TRPC3: variants seen among roughly 807,000 people sequenced by gnomAD.
TRPC3 encodes short transient receptor potential channel 3.
TRPC3 carries 54 observed loss-of-function variants against 90.9 expected under a neutral mutation model. That is an observed-to-expected ratio of 0.59 (90% CI 0.48 to 0.75). The LOEUF (loss-of-function observed/expected upper bound fraction) is 0.75, where lower values mean the gene tolerates loss of function less well. Among genes scored for constraint, TRPC3 ranks in the 30% least tolerant of loss-of-function variants. The pLI is 0.00. For missense variants in TRPC3, 918 were observed against 1,194.5 expected (o/e 0.77, Z 3.41); for synonymous variants, 424 against 450.9 (o/e 0.94, Z 0.75).
At chr4:121,942,331 G>A (rs1730347172) in intron 1 of TRPC3, among the ~76,000 whole-genome samples, 1 of 152,166 alleles carries the variant, frequency 6.6e-6, no homozygotes, top group Non-Finnish European at 1.5e-5. Flanking sequence ...GGAGGCAGAG[G>A]CAGATGACTC....
At chr4:121,904,234 T>G in intron 8 of TRPC3, 88 bp downstream of exon 8, 1 of 1,218,834 alleles carries the variant, frequency 8.2e-7, no homozygotes, top group Non-Finnish European at 1.1e-6. Flanking sequence ...TTACATGAGC[T>G]GGAGCTCAGC....
chr4:121,934,811 T>G (rs1042486237), intron 1 of TRPC3, among the ~76,000 whole-genome samples: 2 of 152,120 alleles, frequency 1.3e-5, no homozygotes, highest in Admixed American at 6.5e-5. Flanking sequence ...TTCTCCCAGA[T>G]AGGGACTAAG....
Position 121,951,628 on chromosome 4 carries a change from GC to G in TRPC3, c.52del (p.Ala18ArgfsTer63). The G allele has an allele frequency of 7.0e-7, 1 of 1,427,070 alleles. No homozygotes were observed. Among genetic ancestry groups the G allele is most frequent in the Non-Finnish European group, 9.2e-7 (1 of 1,082,190 alleles). The allele number at this position is 1,427,070 out of a possible 1,614,324, so 88.4% of individuals were successfully genotyped here. A position where few individuals can be genotyped will look rare whatever the true frequency, so the allele number is the denominator to read the frequency against. On this transcript the variant is annotated frameshift_variant, in exon 1 of 12. Transcript: ENST00000379645. LOFTEE classifies it high-confidence loss of function. This position sits in a 1 kb window ranked among gnomAD's most constrained non-coding sequence, Gnocchi z 4.4. ...GCCCTCGTCTTCCTCCTCCTCCGGCGCCGGGAAGGTCACCCTTGCTTGTTCT... is the reference window on the plus strand; with the variant it reads ...GCCCTCGTCTTCCTCCTCCTCCGGCGCGGGAAGGTCACCCTTGCTTGTTCT... ...CKEQARVTFPAPEEEEDEGED... is the reference protein window; with the variant it reads ...CKEQARVTFPXPEEEEDEGED...
At chr4:121,910,729 C>A (rs376878709) in intron 5 of TRPC3, among the ~76,000 whole-genome samples, 8 of 152,126 alleles carry the variant, frequency 5.3e-5, no homozygotes, top group African/African-American at 1.9e-4. Flanking sequence ...TCAAGTTATC[C>A]CATAAGACTT....
rs899837495 is a variant in TRPC3, at chr4:121,910,393, A to C, written c.1559-6T>G. The C allele has an allele frequency of 6.2e-7, 1 of 1,610,790 alleles. No homozygotes were observed. The highest frequency in any genetic ancestry group is 8.5e-7 in the Non-Finnish European group (1 of 1,177,462). On this transcript the variant is annotated splice_region_variant and splice_polypyrimidine_tract_variant and intron_variant, in intron 5 of 11. Transcript: ENST00000379645. ...ACATTCAGACCACATCATTCCTGTC[A>C]CAACAAATACAGAGGGTGCAGGTCA... is the stretch of plus-strand genomic sequence containing the variant.
chr4:121,933,095 C>CT, intron 1 of TRPC3, 53 bp from the exon 2 acceptor site: 1 of 1,510,580 alleles, frequency 6.6e-7, no homozygotes, highest in Non-Finnish European at 8.9e-7. Context: ...ACATTCCTTC[C>CT]TTTCACATGT....
rs571866879 is a variant in TRPC3 at position 121,932,473 on chromosome 4, G to A, written c.785C>T (p.Pro262Leu). The A allele has an allele frequency of 1.9e-6, 3 of 1,614,142 alleles. No homozygotes were observed. The highest frequency in any genetic ancestry group is 2.7e-5 in the African/African-American group (2 of 75,044). ...CCCGCACTTGCAGAAATAGTCGTGC[G>A]GCCGCTCGATCCTGGCACCCTTCAT... ...LLMKGARIERPHDYFCKCGDC... is the reference protein window; with the variant it reads ...LLMKGARIERLHDYFCKCGDC... Residue 262 changes from proline to leucine, a missense_variant, in exon 2 of 12, where the codon CCG becomes CTG. This residue lies in a region of TRPC3 where 609 missense variants were observed against 725.9 expected (regional missense o/e 0.84). Coordinates refer to ENST00000379645, the MANE Select transcript of TRPC3 (RefSeq NM_001130698.2). The surrounding 1 kb of genome is among the most constrained non-coding windows in gnomAD (Gnocchi z 7.7).
Position 121,932,904 on chromosome 4 carries a change from G to A in TRPC3, c.354C>T (p.Asp118=), listed in dbSNP as rs151159120. 2.3e-4 allele frequency: 368 copies of A among 1,614,104 alleles called. 1 individual carries two copies. The African/African-American group carries it at 4.0e-3, about 17-fold the overall frequency. Residue 118 remains aspartate (D), a synonymous_variant, in exon 2 of 12, where the codon GAC becomes GAT. Coordinates refer to ENST00000379645, the MANE Select transcript of TRPC3 (RefSeq NM_001130698.2). The surrounding 1 kb of genome is among the most constrained non-coding windows in gnomAD (Gnocchi z 7.7). ...SLTAEEERFL[D]AAEYGNIPVV... ...CTGGGATGTTGCCGTACTCGGCGGCGTCGAGGAAGCGCTCCTCCTCGGCGG... is the reference window on the plus strand; with the variant it reads ...CTGGGATGTTGCCGTACTCGGCGGCATCGAGGAAGCGCTCCTCCTCGGCGG...
intron 3 of TRPC3, among the ~76,000 whole-genome samples, chr4:121,922,095 ATGTTTTT>A (rs1729542750): frequency 6.6e-6 from 1 of 150,884 alleles, no homozygotes; most frequent in South Asian, 2.1e-4. Flanking sequence ...ATTTTTTTGT[ATGTTTTT>A]TAGTAGAGAC....
At chr4:121,899,810 T>A in intron 9 of TRPC3, 115 bp from the exon 10 acceptor site, 1 of 787,830 alleles carries the variant, frequency 1.3e-6, no homozygotes, top group Non-Finnish European at 2.0e-6. Context: ...CAAGAAACAT[T>A]TTGTGGAAGT....
In TRPC3 at chr4:121,932,795, C is replaced by G; in HGVS notation, c.463G>C (p.Val155Leu). 2 of 1,610,588 alleles carry G rather than the reference C, an allele frequency of 1.2e-6. No individual in the cohort carries two copies. Among genetic ancestry groups the G allele is most frequent in the Non-Finnish European group, 1.7e-6 (2 of 1,177,596 alleles). ...GTCACCTCCAGGTGCTCGTTGCCCA[C>G]AGCCAGCTGCAGCGCGTTCTGGCCC... ...YMGQNALQLA[V>L]GNEHLEVTEL... Residue 155 changes from valine (V) to leucine (L), a missense_variant, in exon 2 of 12, where the codon GTG becomes CTG. Physicochemically the swap from Val to Leu is conservative, Grantham distance 32. Coordinates refer to ENST00000379645, the MANE Select transcript of TRPC3 (RefSeq NM_001130698.2). The surrounding 1 kb of genome is among the most constrained non-coding windows in gnomAD (Gnocchi z 7.7).
In TRPC3 at chr4:121,891,102, G is replaced by A. The variant is rs545431751; in HGVS notation, c.2547+8510C>T. Among the ~76,000 whole-genome samples, 3 of 152,176 alleles carry A rather than the reference G, an allele frequency of 2.0e-5. No homozygotes were observed. In the South Asian group the frequency reaches 6.2e-4, roughly 32 times the overall value. On this transcript the variant is annotated intron_variant, in intron 10 of 11. Transcript: ENST00000379645. ...GGATTTAAAAGATAAAGATATTTGG[G>A]GCATTCAAACTAAAACCTCCGGTCA...
At chr4:121,907,653 C>T (rs550786362) in intron 6 of TRPC3, 86 bp from the exon 7 acceptor site, 2 of 1,421,544 alleles carry the variant, frequency 1.4e-6, no homozygotes, top group East Asian at 4.6e-5. Flanking sequence ...TAGGATCTAT[C>T]TTGTAGGTAG....
At chr4:121,891,718 C>T (rs1299734850) in intron 10 of TRPC3, among the ~76,000 whole-genome samples, 2 of 152,210 alleles carry the variant, frequency 1.3e-5, no homozygotes, top group Non-Finnish European at 2.9e-5. Context: ...TGGTTCTGCA[C>T]AAGCAAACCT....
intron 3 of TRPC3, among the ~76,000 whole-genome samples, chr4:121,918,618 T>A (rs1317689702): frequency 6.6e-6 from 1 of 152,236 alleles, no homozygotes; most frequent in African/African-American, 2.4e-5. Flanking sequence ...TGTGGGTGTT[T>A]GCATTTTGCC....
chr4:121,889,041 A>C (rs1427625066), intron 10 of TRPC3, among the ~76,000 whole-genome samples: 1 of 152,250 alleles, frequency 6.6e-6, no homozygotes, highest in African/African-American at 2.4e-5. Context: ...AAGAACATAC[A>C]TTGGGGAAAG....
chr4:121,879,986 A>G (rs1727886697), intron 11 of TRPC3, 108 bp from the exon 12 acceptor site: 1 of 1,070,838 alleles, frequency 9.3e-7, no homozygotes, highest in Non-Finnish European at 1.3e-6. Context: ...TAAGGTCTCC[A>G]AGGTAGCTAC....
chr4:121,893,923 TA>T, intron 10 of TRPC3, among the ~76,000 whole-genome samples: 1 of 152,288 alleles, frequency 6.6e-6, no homozygotes, highest in South Asian at 2.1e-4. Flanking sequence ...CTGGTGAAGA[TA>T]AAAACCTTTG....
chr4:121,943,346 A>C (rs1730384362), intron 1 of TRPC3, among the ~76,000 whole-genome samples: 1 of 152,256 alleles, frequency 6.6e-6, no homozygotes, highest in Non-Finnish European at 1.5e-5. Context: ...ATTCTTTCAA[A>C]GCAAATTTCT....
Sources: gnomAD v4.1 joint callset for allele counts (sites outside exome capture counted in the v4.1 genomes callset) on GRCh38, gnomAD v4.1.1 for gene constraint, gnomAD v4.1.1 regional missense constraint, Gnocchi (gnomAD v3.1) non-coding constraint, MANE v1.5 for transcripts, NCBI Gene and HGNC (gene_info 2026-07-23, HGNC 2026-07-21) for gene names.